The following MEI4 variants were observed in gnomAD, a reference collection of about 807,000 sequenced individuals.
The protein encoded by MEI4 is meiosis-specific protein MEI4.
MEI4 carries 27 observed loss-of-function variants against 31.4 expected under a neutral mutation model. The observed-to-expected ratio is 0.86, with a 90% CI of 0.63 to 1.19. The LOEUF (loss-of-function observed/expected upper bound fraction) is 1.19, where lower values mean the gene tolerates loss of function less well. MEI4 is among the 50% of genes most tolerant of loss of function. The pLI is 0.00. For synonymous variants in MEI4, 122 were observed against 145.4 expected (o/e 0.84, Z 1.16); for missense variants, 329 against 398.9 (o/e 0.82, Z 1.49).
At chr6:77,732,096 G>T (rs1447485283) in intron 2 of MEI4, among the ~76,000 whole-genome samples, 2 of 151,018 alleles carry the variant, frequency 1.3e-5, no homozygotes, top group South Asian at 4.2e-4. Context: ...ACTTAGGATT[G>T]ACTTGGCGAT....
chr6:77,914,795 C>T (rs753162605), intron 4 of MEI4, among the ~76,000 whole-genome samples: 4 of 152,036 alleles, frequency 2.6e-5, no homozygotes, highest in African/African-American at 7.2e-5. Context: ...GTCCTATCTT[C>T]GTGGTGTATT....
chr6:77,829,579 A>T (rs1185485133), intron 4 of MEI4, among the ~76,000 whole-genome samples: 1 of 152,170 alleles, frequency 6.6e-6, no homozygotes, highest in East Asian at 1.9e-4. Flanking sequence ...TGATTTCAGT[A>T]TGCAACCAAG....
At chr6:77,705,699 C>A (rs1206636837) in intron 2 of MEI4, among the ~76,000 whole-genome samples, 1 of 152,170 alleles carries the variant, frequency 6.6e-6, no homozygotes, top group Non-Finnish European at 1.5e-5. Flanking sequence ...GCCCACCCAT[C>A]ACAGGAAGGG....
intron 4 of MEI4, among the ~76,000 whole-genome samples, chr6:77,879,171 C>T (rs1771417827): frequency 6.6e-6 from 1 of 151,894 alleles, no homozygotes. Flanking sequence ...AAATAAAAAT[C>T]ATGTAAATAT....
At chr6:77,767,308 A>T (rs188656491) in intron 3 of MEI4, among the ~76,000 whole-genome samples, 308 of 152,068 alleles carry the variant, frequency 2.0e-3, no homozygotes, top group African/African-American at 7.4e-3. Context: ...TGAACCCGGG[A>T]GGCAGAGGTG....
chr6:77,913,973 G>A (rs1006102545), intron 4 of MEI4, among the ~76,000 whole-genome samples: 2 of 149,910 alleles, frequency 1.3e-5, no homozygotes. Flanking sequence ...GGTGGAGCTT[G>A]CAGTGAGCCA....
At chr6:77,705,186 C>T (rs998278133) in intron 2 of MEI4, among the ~76,000 whole-genome samples, 3 of 150,350 alleles carry the variant, frequency 2.0e-5, no homozygotes, top group African/African-American at 7.3e-5. Context: ...TCCCCTCCAT[C>T]TTACTGCCTT....
intron 2 of MEI4, among the ~76,000 whole-genome samples, chr6:77,714,842 C>A (rs1402877100): frequency 6.6e-6 from 1 of 152,182 alleles, no homozygotes; most frequent in African/African-American, 2.4e-5. Context: ...AACACTCATG[C>A]AATATCAAGT....
chr6:77,900,706 AC>A (rs1238405998), intron 4 of MEI4, among the ~76,000 whole-genome samples: 2 of 151,980 alleles, frequency 1.3e-5, no homozygotes, highest in Non-Finnish European at 2.9e-5. Flanking sequence ...TTTTATATAT[AC>A]ATACTTACAT....
intron 4 of MEI4, among the ~76,000 whole-genome samples, chr6:77,916,141 T>A (rs1320629814): frequency 6.6e-6 from 1 of 152,110 alleles, no homozygotes; most frequent in Non-Finnish European, 1.5e-5. Context: ...TTGATACATT[T>A]CTCATTCATA....
chr6:77,816,674 T>C (rs1013310086), intron 3 of MEI4, among the ~76,000 whole-genome samples: 24 of 152,158 alleles, frequency 1.6e-4, no homozygotes, highest in African/African-American at 5.6e-4. Context: ...GATGGCTGGG[T>C]CAAATGGTAT....
intron 3 of MEI4, 21 bp downstream of exon 3, chr6:77,761,686 T>C (rs1362147913): frequency 5.7e-6 from 7 of 1,218,866 alleles, no homozygotes; most frequent in African/African-American, 1.6e-5. Context: ...AATCCCTCTT[T>C]TATTCCTAAA....
chr6:77,919,154 G>C (rs1766639605), intron 4 of MEI4, among the ~76,000 whole-genome samples: 1 of 151,918 alleles, frequency 6.6e-6, no homozygotes, highest in Non-Finnish European at 1.5e-5. Context: ...GGACCTAATA[G>C]ACATCTACAG....
At chr6:77,833,790 C>T (rs913001524) in intron 4 of MEI4, among the ~76,000 whole-genome samples, 28 of 152,248 alleles carry the variant, frequency 1.8e-4, no homozygotes, top group Middle Eastern at 3.4e-3. Context: ...TACCTTTCCC[C>T]GCACCCGCCA....
At chr6:77,821,580 G>T (rs1769826342) in intron 3 of MEI4, among the ~76,000 whole-genome samples, 1 of 152,024 alleles carries the variant, frequency 6.6e-6, no homozygotes, top group South Asian at 2.1e-4. Flanking sequence ...TGGATCACCT[G>T]AGGTCAGGAG....
rs541868906 is a variant in MEI4 at position 77,840,101 on chromosome 6, G to GT, written c.900+11045dup. Among the ~76,000 whole-genome samples, 618 of 152,168 alleles carry GT rather than the reference G, an allele frequency of 4.1e-3. 1 individual carries two copies. The highest frequency in any genetic ancestry group is 6.4e-3 in the Non-Finnish European group (437 of 67,992). On this transcript the variant is annotated intron_variant, in intron 4 of 4. Transcript: ENST00000684080. ...ATTAGGAAATATATGTGTTGTGTGT[G>GT]TTTTTTGTGTGTTTGTACCTGTGTA...
At chr6:77,736,041 T>A (rs1561965349) in intron 2 of MEI4, among the ~76,000 whole-genome samples, 1 of 151,926 alleles carries the variant, frequency 6.6e-6, no homozygotes, top group African/African-American at 2.4e-5. Flanking sequence ...CTTCAAACTG[T>A]CAGACAGGGA....
At chr6:77,800,134 A>G (rs1297174651) in intron 3 of MEI4, among the ~76,000 whole-genome samples, 2 of 152,120 alleles carry the variant, frequency 1.3e-5, no homozygotes, top group Admixed American at 6.6e-5. Flanking sequence ...TGAGCATGGA[A>G]TGTTCTTCCA....
At chr6:77,850,098 T>G (rs572665039) in intron 4 of MEI4, among the ~76,000 whole-genome samples, 1 of 152,280 alleles carries the variant, frequency 6.6e-6, no homozygotes, top group East Asian at 1.9e-4. Context: ...GAAAAGCACC[T>G]ACAGAGTTGA....
Sources: gnomAD v4.1 joint callset for allele counts (sites outside exome capture counted in the v4.1 genomes callset) on GRCh38, gnomAD v4.1.1 for gene constraint, MANE v1.5 for transcripts, NCBI Gene and HGNC (gene_info 2026-07-23, HGNC 2026-07-21) for gene names.